The following MKLN1 variants were observed in gnomAD, a reference collection of about 807,000 sequenced individuals.
MKLN1 encodes the protein muskelin 1, also known as muskelin.
Under a neutral mutation model 99.0 loss-of-function variants are expected in MKLN1, and 18 were observed. That is an observed-to-expected ratio of 0.18 (90% CI 0.13 to 0.27). The LOEUF (loss-of-function observed/expected upper bound fraction) is 0.27. Ranked by LOEUF, MKLN1 falls within the 10% of genes least tolerant of loss-of-function variation. The pLI is 1.00. For missense variants in MKLN1, 621 were observed against 875.9 expected, an observed-to-expected ratio of 0.71 and a Z score of 3.67; for synonymous variants, 288 against 293.2, an observed-to-expected ratio of 0.98 and a Z score of 0.18.
At chr7:131,268,813 C>T (rs1177084749) in intron 3 of MKLN1, among the ~76,000 whole-genome samples, 1 of 152,164 alleles carries the variant, frequency 6.6e-6, no homozygotes, top group Non-Finnish European at 1.5e-5. Context: ...CAGTGCTGTT[C>T]TTGTATGTCG....
At chr7:131,412,980 ATAT>A (rs1794921080) in intron 7 of MKLN1, among the ~76,000 whole-genome samples, 1 of 152,234 alleles carries the variant, frequency 6.6e-6, no homozygotes, top group Admixed American at 6.5e-5. Context: ...AAAGACACAC[ATAT>A]TATAGCAAAC....
intron 2 of MKLN1, among the ~76,000 whole-genome samples, chr7:131,167,401 G>A (rs1045075800): frequency 1.3e-5 from 2 of 152,168 alleles, no homozygotes; most frequent in African/African-American, 2.4e-5. Context: ...GCCAGGTATG[G>A]TGGCTTATGC....
intron 7 of MKLN1, among the ~76,000 whole-genome samples, chr7:131,413,545 C>CTT (rs879859616): frequency 6.8e-6 from 1 of 146,938 alleles, no homozygotes; most frequent in Admixed American, 6.8e-5. Flanking sequence ...TAATTTATAA[C>CTT]TTTTTTTTTT....
At chr7:131,250,509 G>A (rs1797561503) in intron 3 of MKLN1, among the ~76,000 whole-genome samples, 1 of 152,168 alleles carries the variant, frequency 6.6e-6, no homozygotes, top group South Asian at 2.1e-4. Flanking sequence ...GCCAAGCAGG[G>A]CCTGACAAGC....
At chr7:131,343,360 T>A (rs769740094) in intron 1 of MKLN1, among the ~76,000 whole-genome samples, 2 of 152,304 alleles carry the variant, frequency 1.3e-5, no homozygotes, top group Admixed American at 1.3e-4. Context: ...TTCTTAGACT[T>A]TGTGTATATG....
intron 2 of MKLN1, among the ~76,000 whole-genome samples, chr7:131,173,864 CAT>C (rs995835996): frequency 5.3e-5 from 8 of 152,038 alleles, no homozygotes; most frequent in Non-Finnish European, 1.0e-4. Flanking sequence ...AACAAAACAA[CAT>C]AGTCTTCATT....
At chr7:131,455,216 C>G (rs1796297133) in intron 12 of MKLN1, among the ~76,000 whole-genome samples, 1 of 152,168 alleles carries the variant, frequency 6.6e-6, no homozygotes, top group Non-Finnish European at 1.5e-5. Context: ...ATATCTTCCT[C>G]AGGAATTCAA....
intron 1 of MKLN1, among the ~76,000 whole-genome samples, chr7:131,339,313 G>A (rs1799338373): frequency 1.3e-5 from 2 of 152,324 alleles, no homozygotes; most frequent in African/African-American, 4.8e-5. Context: ...TTAAGCAGTT[G>A]TTTTAAATGC....
intron 1 of MKLN1, among the ~76,000 whole-genome samples, chr7:131,333,387 G>GT (rs1466203589): frequency 3.3e-5 from 5 of 152,112 alleles, no homozygotes; most frequent in South Asian, 4.1e-4. Context: ...AATTTATTAT[G>GT]GATACATTAT....
intron 2 of MKLN1, among the ~76,000 whole-genome samples, chr7:131,376,929 G>A (rs769802316): frequency 9.9e-5 from 15 of 151,818 alleles, no homozygotes; most frequent in Non-Finnish European, 1.2e-4. Flanking sequence ...AATTGATTCA[G>A]TCATTTATAA....
intron 3 of MKLN1, among the ~76,000 whole-genome samples, chr7:131,208,714 A>C (rs1237974132): frequency 2.0e-5 from 3 of 152,332 alleles, no homozygotes; most frequent in African/African-American, 7.2e-5. Flanking sequence ...GAAATCTTTG[A>C]GGAGAACCTG....
intron 3 of MKLN1, among the ~76,000 whole-genome samples, chr7:131,307,532 G>A (rs1356332701): frequency 3.3e-5 from 5 of 152,326 alleles, no homozygotes; most frequent in East Asian, 1.9e-4. Flanking sequence ...CAGGAGCGGA[G>A]TTACCTAAGG....
chr7:131,349,610 T>G (rs1584634345), intron 1 of MKLN1, among the ~76,000 whole-genome samples: 1 of 152,234 alleles, frequency 6.6e-6, no homozygotes. Flanking sequence ...ATCTTTGCAT[T>G]AGGTAGAAAA....
At chr7:131,132,184 C>G (rs1795561724) in intron 1 of MKLN1, among the ~76,000 whole-genome samples, 1 of 152,140 alleles carries the variant, frequency 6.6e-6, no homozygotes, top group African/African-American at 2.4e-5. Flanking sequence ...CAAAAGATCT[C>G]AAGATTTGAG....
chr7:131,243,044 A>AT (rs1266692836), intron 3 of MKLN1: 1 of 543,186 alleles, frequency 1.8e-6, no homozygotes, highest in Non-Finnish European at 3.5e-6. Flanking sequence ...GAAAAAAAAA[A>AT]GGAAAGTTCA....
Position 131,327,952 on chromosome 7 carries a change from A to G in MKLN1, c.53A>G (p.Tyr18Cys). The G allele has an allele frequency of 6.2e-7, 1 of 1,613,536 alleles. No homozygotes were observed. Among genetic ancestry groups the G allele is most frequent in the Non-Finnish European group, 8.5e-7 (1 of 1,179,788 alleles). Residue 18 changes from tyrosine to cysteine, a missense_variant, in exon 1 of 18, where the codon TAC becomes TGC. This residue lies in a region of MKLN1 where 58 missense variants were observed against 40.0 expected (regional missense o/e 1.45). Coordinates refer to ENST00000352689, the MANE Select transcript of MKLN1 (RefSeq NM_013255.5). ...AAAPECRLLP[Y>C]ALHKWSSFSS... ...GCGCCCGAGTGCCGGCTTCTCCCCT[A>G]CGCGCTACACAAGTGGAGCTCCTTT...
At chr7:131,337,939 C>A (rs1340011934) in intron 1 of MKLN1, among the ~76,000 whole-genome samples, 1 of 152,096 alleles carries the variant, frequency 6.6e-6, no homozygotes, top group African/African-American at 2.4e-5. Context: ...TCTTCAGATT[C>A]ACCCATCTTC....
chr7:131,382,633 G>A (rs1002620054), intron 2 of MKLN1, among the ~76,000 whole-genome samples: 3 of 152,100 alleles, frequency 2.0e-5, no homozygotes, highest in Admixed American at 6.5e-5. Flanking sequence ...TCCCCTTCCT[G>A]TTCTCCCCAC....
Position 131,387,187 on chromosome 7 carries a change from C to T in MKLN1, c.236C>T (p.Thr79Ile), listed in dbSNP as rs765005975. The change falls in exon 3 of 18, where the codon ACT becomes ATT. Residue 79 changes from threonine to isoleucine, a missense_variant. By Grantham distance (89) the Thr-to-Ile change is moderately conservative. Coordinates refer to ENST00000352689, the MANE Select transcript of MKLN1 (RefSeq NM_013255.5). ...ATCACATTTGGAAAATATGAGAAAA[C>T]TCATGTTTGCAATTTGAAGAAATTT... Reference protein sequence around the residue: ...QNITFGKYEKTHVCNLKKFKV... With the variant: ...QNITFGKYEKIHVCNLKKFKV... 2.5e-6 allele frequency: 4 copies of T among 1,608,474 alleles called. No homozygotes were observed. The highest frequency in any genetic ancestry group is 1.7e-6 in the Non-Finnish European group (2 of 1,177,146).
Sources: gnomAD v4.1 joint callset for allele counts (sites outside exome capture counted in the v4.1 genomes callset) on GRCh38, gnomAD v4.1.1 for gene constraint, gnomAD v4.1.1 regional missense constraint, MANE v1.5 for transcripts, NCBI Gene and HGNC (gene_info 2026-07-23, HGNC 2026-07-21) for gene names.